ITGA9: variants seen among roughly 807,000 people sequenced by gnomAD.
ITGA9 encodes the protein integrin alpha-9.
Under a neutral mutation model 127.8 loss-of-function variants are expected in ITGA9, and 56 were observed. The ratio of observed to expected loss-of-function variants is 0.44; its 90% confidence interval spans 0.35 to 0.55. The LOEUF (loss-of-function observed/expected upper bound fraction) is 0.55. ITGA9 is among the 20% of genes least tolerant of loss of function. The probability of loss-of-function intolerance (pLI) is 0.00; values close to 1 mark genes in which losing one functional copy is unlikely to be tolerated. For missense variants in ITGA9, 1,196 were observed against 1,347.1 expected (o/e 0.89, Z 1.76); for synonymous variants, 508 against 514.5 (o/e 0.99, Z 0.17).
chr3:37,561,508 G>A lies in ITGA9; in HGVS notation c.1689+18923G>A, dbSNP rs138946220. Among the ~76,000 whole-genome samples the A allele has an allele frequency of 6.4e-3, 972 of 152,298 alleles. 7 individuals are homozygous for A. The highest frequency in any genetic ancestry group is 0.011 in the Non-Finnish European group (729 of 68,014). On this transcript the variant is annotated intron_variant, in intron 15 of 27. Transcript: ENST00000264741. ...ACCTGAGGTTCTGGTAAATATTTTG[G>A]TATTATAAAGGTTGCTTTCACACTT...
intron 15 of ITGA9, among the ~76,000 whole-genome samples, chr3:37,626,682 A>T (rs556966538): frequency 6.6e-6 from 1 of 152,304 alleles, no homozygotes; most frequent in African/African-American, 2.4e-5. Context: ...CTCAAAAAAA[A>T]AGTGGAAGGT....
At chr3:37,534,313 T>A (rs1395810311) in intron 14 of ITGA9, among the ~76,000 whole-genome samples, 1 of 152,274 alleles carries the variant, frequency 6.6e-6, no homozygotes, top group Non-Finnish European at 1.5e-5. Flanking sequence ...GAGTGACTCC[T>A]TTTGCTACTC....
chr3:37,602,044 A>G (rs1249426160), intron 15 of ITGA9, among the ~76,000 whole-genome samples: 1 of 152,160 alleles, frequency 6.6e-6, no homozygotes, highest in Non-Finnish European at 1.5e-5. Context: ...GAACTGACTC[A>G]CTACCTAGAG....
chr3:37,790,393 G>C, intron 26 of ITGA9: 1 of 481,820 alleles, frequency 2.1e-6, no homozygotes, highest in Non-Finnish European at 4.2e-6. Context: ...TTCCCATTCT[G>C]CTCGGTTCTC....
At chr3:37,638,418 G>C (rs917754937) in intron 16 of ITGA9, among the ~76,000 whole-genome samples, 1 of 145,058 alleles carries the variant, frequency 6.9e-6, no homozygotes, top group African/African-American at 2.6e-5. Context: ...TGGGAGAGCA[G>C]TTCTTTCTTA....
chr3:37,710,680 A>C (rs986804181), intron 18 of ITGA9, among the ~76,000 whole-genome samples: 1 of 152,212 alleles, frequency 6.6e-6, no homozygotes, highest in African/African-American at 2.4e-5. Flanking sequence ...GACAGTATGA[A>C]TAATTAGCCC....
chr3:37,572,631 G>A (rs1699612615), intron 15 of ITGA9, among the ~76,000 whole-genome samples: 1 of 152,180 alleles, frequency 6.6e-6, no homozygotes, highest in Non-Finnish European at 1.5e-5. Context: ...AGTTCTTACT[G>A]TAAGACTGAG....
At chr3:37,565,586 G>C (rs560405001) in intron 15 of ITGA9, among the ~76,000 whole-genome samples, 2 of 152,188 alleles carry the variant, frequency 1.3e-5, no homozygotes, top group Non-Finnish European at 2.9e-5. Context: ...TTTCAGGTGC[G>C]GAAGATGAAA....
Position 37,569,207 on chromosome 3 carries a change from G to A in ITGA9, c.1689+26622G>A, listed in dbSNP as rs141501992. Among the ~76,000 whole-genome samples the A allele has an allele frequency of 2.8e-3, 422 of 152,322 alleles. 2 individuals carry two copies. In the East Asian group the frequency reaches 0.049, roughly 18 times the overall value. On this transcript the variant is annotated intron_variant, in intron 15 of 27. Coordinates refer to ENST00000264741, the MANE Select transcript of ITGA9 (RefSeq NM_002207.3). Reference sequence around the variant, plus strand: ...CATGGGTGGCAGCAGGCAAGAGAGAGAACTTGTGCTGGGGAACTCCTCATT... The same window carrying A: ...CATGGGTGGCAGCAGGCAAGAGAGAAAACTTGTGCTGGGGAACTCCTCATT...
At chr3:37,492,419 A>G (rs373856414) in intron 4 of ITGA9, among the ~76,000 whole-genome samples, 1 of 152,214 alleles carries the variant, frequency 6.6e-6, no homozygotes, top group Non-Finnish European at 1.5e-5. Context: ...GGGTGCCTTT[A>G]AGGGCTTCCC....
chr3:37,583,419 T>C (rs1309647957), intron 15 of ITGA9, among the ~76,000 whole-genome samples: 2 of 97,858 alleles, frequency 2.0e-5, no homozygotes, highest in Non-Finnish European at 4.5e-5. Context: ...AGCATCATCA[T>C]CATCAGCATG....
chr3:37,473,214 G>GTA, intron 2 of ITGA9, 140 bp from the exon 3 acceptor site: 2 of 616,454 alleles, frequency 3.2e-6, no homozygotes, highest in Admixed American at 2.3e-5. Flanking sequence ...GGATTAAACA[G>GTA]TATAGTACAT....
At position 37,542,504 on chromosome 3, in the gene ITGA9, A is replaced by G; in HGVS notation, c.1608A>G (p.Gly536=). 1.2e-6 allele frequency: 2 copies of G among 1,614,134 alleles called. No individual in the cohort carries two copies. The highest frequency in any genetic ancestry group is 1.7e-6 in the Non-Finnish European group (2 of 1,180,022). ...CCAGGGTCTACTTTGTGCTGCTGGGAGAGACCATGGGTCAGGTCACAGAGA... is the reference window on the plus strand; with the variant it reads ...CCAGGGTCTACTTTGTGCTGCTGGGGGAGACCATGGGTCAGGTCACAGAGA... The part of the protein sequence containing the change: ...QMPRVYFVLL[G]ETMGQVTEKL... The change falls in exon 15 of 28, where the codon GGA becomes GGG. Residue 536 remains glycine (G), a synonymous_variant. Transcript: ENST00000264741.
At chr3:37,636,102 G>T (rs1700276028) in intron 16 of ITGA9, among the ~76,000 whole-genome samples, 1 of 152,078 alleles carries the variant, frequency 6.6e-6, no homozygotes, top group South Asian at 2.1e-4. Context: ...ACATGTGCGT[G>T]TGTCTTTATA....
intron 27 of ITGA9, among the ~76,000 whole-genome samples, chr3:37,812,497 G>GCCTCAC (rs1697380258): frequency 3.3e-5 from 5 of 152,230 alleles, no homozygotes; most frequent in Non-Finnish European, 7.3e-5. Context: ...ACTCAGTCAG[G>GCCTCAC]CCTCATGCCT....
At chr3:37,749,009 G>T (rs938169431) in intron 22 of ITGA9, 2 of 448,914 alleles carry the variant, frequency 4.5e-6, no homozygotes, top group East Asian at 3.6e-5. Context: ...TCTTATTGCT[G>T]CTGTAACAAA....
intron 18 of ITGA9, among the ~76,000 whole-genome samples, chr3:37,708,564 C>T (rs78025506): frequency 6.1e-3 from 60 of 9,836 alleles, no homozygotes; most frequent in African/African-American, 0.024. Context: ...AGACACAGTT[C>T]ACAACTTTTG....
At chr3:37,787,761 C>G (rs902699738) in intron 26 of ITGA9, among the ~76,000 whole-genome samples, 1 of 152,200 alleles carries the variant, frequency 6.6e-6, no homozygotes, top group African/African-American at 2.4e-5. Flanking sequence ...TAGAGCCTCG[C>G]CACCAAATTT....
intron 15 of ITGA9, among the ~76,000 whole-genome samples, chr3:37,620,300 C>A (rs139928729): frequency 6.6e-6 from 1 of 152,186 alleles, no homozygotes; most frequent in Non-Finnish European, 1.5e-5. Flanking sequence ...ATGCATGTAG[C>A]GGCTAGGGCA....
Sources: allele counts gnomAD v4.1 joint callset (sites outside exome capture counted in the v4.1 genomes callset), GRCh38; gene constraint gnomAD v4.1.1; transcripts MANE v1.5; gene names NCBI Gene and HGNC (gene_info 2026-07-23, HGNC 2026-07-21).